Variants in EDC3 observed in about 807,000 individuals in gnomAD.
EDC3 encodes enhancer of mRNA decapping 3.
EDC3 carries 20 observed loss-of-function variants against 41.8 expected under a neutral mutation model. That is an observed-to-expected ratio of 0.48 (90% CI 0.34 to 0.70). The LOEUF (loss-of-function observed/expected upper bound fraction) is 0.70. EDC3 is among the 30% of genes least tolerant of loss of function. EDC3 has a pLI of 0.01. For synonymous variants in EDC3, 206 were observed against 243.2 expected (o/e 0.85, Z 1.42); for missense variants, 444 against 636.8 (o/e 0.70, Z 3.26).
rs879306680 is a variant in EDC3, at chr15:74,672,827, T to A, written c.165-1053A>T. On this transcript the variant is annotated intron_variant, in intron 2 of 6. Coordinates refer to ENST00000315127, the MANE Select transcript of EDC3 (RefSeq NM_025083.5). ...GAGACTCTGTCTCAAAAAAAAAAAA[T>A]TTTTTTTTTTAAGTGTTAAATGTTA... Among the ~76,000 whole-genome samples, 486 of 148,026 alleles carry A rather than the reference T, an allele frequency of 3.3e-3. 5 individuals carry two copies. Among genetic ancestry groups the A allele is most frequent in the East Asian group, 0.026 (130 of 5,076 alleles).
chr15:74,671,780 A>G lies in EDC3; in HGVS notation c.165-6T>C, dbSNP rs754592279. ...ACTCCGTAATGTCACCTGCCCTGAA[A>G]TACACAAAAAAGCCAAGTCTCAAAA... On this transcript the variant is annotated splice_polypyrimidine_tract_variant and splice_region_variant and intron_variant, in intron 2 of 6. Coordinates refer to ENST00000315127, the MANE Select transcript of EDC3 (RefSeq NM_025083.5). This position sits in a 1 kb window ranked among gnomAD's most constrained non-coding sequence, Gnocchi z 4.6. 6.2e-7 allele frequency: 1 copy of G among 1,610,496 alleles called. No homozygotes were observed. Among genetic ancestry groups the G allele is most frequent in the Admixed American group, 1.7e-5 (1 of 59,584 alleles).
At chr15:74,638,193 C>G (rs1401905685) in intron 5 of EDC3, 2 of 152,204 alleles carry the variant, frequency 1.3e-5, no homozygotes, top group African/African-American at 4.8e-5. Context: ...TGCCGACGTT[C>G]CCCAGAATCC....
At chr15:74,649,054 T>C (rs2062449121) in intron 4 of EDC3, among the ~76,000 whole-genome samples, 1 of 145,978 alleles carries the variant, frequency 6.9e-6, no homozygotes, top group African/African-American at 2.5e-5. Flanking sequence ...CATCACACCC[T>C]GGCTAATTTT....
chr15:74,651,241 G>C (rs2062476806), intron 4 of EDC3, among the ~76,000 whole-genome samples: 1 of 152,194 alleles, frequency 6.6e-6, no homozygotes, highest in African/African-American at 2.4e-5. Flanking sequence ...GGCCAATCCA[G>C]AGTGTGATCA....
intron 1 of EDC3, among the ~76,000 whole-genome samples, chr15:74,681,388 T>C (rs2062868861): frequency 6.6e-6 from 1 of 151,980 alleles, no homozygotes; most frequent in African/African-American, 2.4e-5. Context: ...CCTGACCCCA[T>C]GATCCACCCA....
At chr15:74,659,129 G>A (rs2062589859) in intron 3 of EDC3, among the ~76,000 whole-genome samples, 1 of 152,100 alleles carries the variant, frequency 6.6e-6, no homozygotes, top group Admixed American at 6.5e-5. Flanking sequence ...TAGGTGCTAG[G>A]ATGATAAAAT....
In EDC3 at chr15:74,632,964, G is replaced by A; in HGVS notation, c.1193-18C>T. 6.2e-7 allele frequency: 1 copy of A among 1,610,528 alleles called. No individual in the cohort carries two copies. On this transcript the variant is annotated intron_variant, in intron 6 of 6. Coordinates refer to ENST00000315127, the MANE Select transcript of EDC3 (RefSeq NM_025083.5). The surrounding 1 kb of genome is among the most constrained non-coding windows in gnomAD (Gnocchi z 4.0). ...GGGCAGATCTGCAGGTGGAAAGAGT[G>A]CCATCTGAAAGTCCCTATGAGCAGA...
At chr15:74,636,638 C>T (rs2062276732) in intron 5 of EDC3, 1 of 152,258 alleles carries the variant, frequency 6.6e-6, no homozygotes, top group African/African-American at 2.4e-5. Flanking sequence ...CAATGATAGT[C>T]ACTTACCGGT....
chr15:74,693,702 G>C (rs2063033679), intron 1 of EDC3, among the ~76,000 whole-genome samples: 1 of 152,118 alleles, frequency 6.6e-6, no homozygotes, highest in Non-Finnish European at 1.5e-5. Flanking sequence ...GACTCAGTAA[G>C]ACCAGGCGCG....
intron 2 of EDC3, 116 bp downstream of exon 2, chr15:74,674,845 T>A: frequency 8.3e-7 from 1 of 1,209,916 alleles, no homozygotes; most frequent in Non-Finnish European, 1.2e-6. Flanking sequence ...TGAAACCCCA[T>A]CTCTACTAAA....
At chr15:74,691,332 G>T (rs964247591) in intron 1 of EDC3, among the ~76,000 whole-genome samples, 3 of 151,932 alleles carry the variant, frequency 2.0e-5, no homozygotes, top group Non-Finnish European at 4.4e-5. Context: ...ATACTATATG[G>T]ATTATTTTAA....
intron 4 of EDC3, among the ~76,000 whole-genome samples, chr15:74,651,098 T>C (rs912990031): frequency 1.3e-5 from 2 of 152,262 alleles, no homozygotes; most frequent in Non-Finnish European, 2.9e-5. Flanking sequence ...TAAGCAGTAT[T>C]CTTTGGGGAG....
intron 4 of EDC3, among the ~76,000 whole-genome samples, chr15:74,653,679 G>A (rs7166524): frequency 6.3e-4 from 96 of 152,270 alleles, no homozygotes; most frequent in African/African-American, 2.2e-3. Context: ...TTCTGGCTAA[G>A]GACCAGCACA....
At chr15:74,676,256 G>A (rs944152569) in intron 1 of EDC3, among the ~76,000 whole-genome samples, 2 of 152,108 alleles carry the variant, frequency 1.3e-5, no homozygotes, top group Admixed American at 6.6e-5. Flanking sequence ...AATATAGTGC[G>A]TAAAAGGGGG....
intron 3 of EDC3, among the ~76,000 whole-genome samples, chr15:74,664,835 C>A (rs945480308): frequency 1.3e-5 from 2 of 152,148 alleles, no homozygotes; most frequent in Non-Finnish European, 2.9e-5. Context: ...AATGAACAGA[C>A]CGTTAAAGCC....
intron 1 of EDC3, among the ~76,000 whole-genome samples, chr15:74,689,814 GCGCCCGGCCC>G (rs2062984595): frequency 6.6e-6 from 1 of 152,172 alleles, no homozygotes; most frequent in Non-Finnish European, 1.5e-5. Flanking sequence ...GTGAGCCACT[GCGCCCGGCCC>G]TGCCTCCATT....
intron 1 of EDC3, among the ~76,000 whole-genome samples, chr15:74,693,393 T>C (rs1751619108): frequency 6.6e-6 from 1 of 152,204 alleles, no homozygotes; most frequent in South Asian, 2.1e-4. Flanking sequence ...CTTCATTTCA[T>C]TAAACAGCAC....
intron 3 of EDC3, among the ~76,000 whole-genome samples, chr15:74,669,334 A>C (rs1407732651): frequency 1.5e-5 from 2 of 134,216 alleles, no homozygotes. Flanking sequence ...TAAGAGCGAA[A>C]CTCTGTCTCA....
At chr15:74,634,503 T>G (rs532449996) in intron 6 of EDC3, among the ~76,000 whole-genome samples, 1 of 152,292 alleles carries the variant, frequency 6.6e-6, no homozygotes, top group East Asian at 1.9e-4. Context: ...TCGTTCCCTA[T>G]CAACATTTCC....
Sources: gnomAD v4.1 joint callset for allele counts (sites outside exome capture counted in the v4.1 genomes callset) on GRCh38, gnomAD v4.1.1 for gene constraint, Gnocchi (gnomAD v3.1) non-coding constraint, MANE v1.5 for transcripts, NCBI Gene and HGNC (gene_info 2026-07-23, HGNC 2026-07-21) for gene names.